The following RHPN1 variants were observed in gnomAD, a reference collection of about 807,000 sequenced individuals.
RHPN1 encodes rhophilin Rho GTPase binding protein 1, also known as rhophilin-1.
A neutral mutation model predicts 74.7 loss-of-function variants in RHPN1; 77 were observed. The ratio of observed to expected loss-of-function variants is 1.03; its 90% CI spans 0.86 to 1.25. The LOEUF (loss-of-function observed/expected upper bound fraction) is 1.25. Ranked by LOEUF, RHPN1 falls within the 50% of genes most tolerant of loss-of-function variation. RHPN1 has a pLI of 0.00. For missense variants in RHPN1, 987 were observed against 932.2 expected (o/e 1.06, Z -0.77); for synonymous variants, 444 against 414.5 (o/e 1.07, Z -0.87).
In RHPN1 at chr8:143,378,357, C is replaced by CGGGGGGGGGGGGGGGCG; in HGVS notation, c.459+11_459+12insGGGGGGGGGGGGGGGCG. 1.1e-5 allele frequency: 16 copies of CGGGGGGGGGGGGGGGCG among 1,520,848 alleles called. No homozygotes were observed. Among genetic ancestry groups the CGGGGGGGGGGGGGGGCG allele is most frequent in the South Asian group, 2.4e-5 (2 of 83,424 alleles). The allele number at this position is 1,520,848 out of a possible 1,614,324, so 94.2% of individuals were successfully genotyped here. Reference sequence around the variant, plus strand: ...GAGGCCCTGCGGCAGGTGTGTGGTTCCCCCGCCCACCCACCCTCCTGCAGC... The same window carrying CGGGGGGGGGGGGGGGCG: ...GAGGCCCTGCGGCAGGTGTGTGGTTCGGGGGGGGGGGGGGGCGCCCCGCCCACCCACCCTCCTGCAGC... On this transcript the variant is annotated intron_variant, in intron 5 of 14. Transcript: ENST00000289013.
chr8:143,379,953 A>G lies in RHPN1; in HGVS notation c.1070A>G (p.Tyr357Cys). ...KAEYFRSLAH[Y>C]HVAMALCDGS... ...GAGTACTTCCGCTCCCTGGCCCACTACCACGTAGCCATGGCCCTCTGCGAC... is the reference window on the plus strand; with the variant it reads ...GAGTACTTCCGCTCCCTGGCCCACTGCCACGTAGCCATGGCCCTCTGCGAC... Residue 357 changes from tyrosine (Y) to cysteine (C), a missense_variant, in exon 9 of 15, where the codon TAC (tyrosine) becomes TGC (cysteine). Physicochemically the swap from Tyr to Cys is radical, Grantham distance 194. Coordinates refer to ENST00000289013, the MANE Select transcript of RHPN1 (RefSeq NM_052924.3). The G allele has an allele frequency of 6.3e-7, 1 of 1,577,138 alleles. No homozygotes were observed. Among genetic ancestry groups the G allele is most frequent in the South Asian group, 1.2e-5 (1 of 86,170 alleles).
upstream of RHPN1, among the ~76,000 whole-genome samples, chr8:143,365,348 C>G (rs1817544135): frequency 6.6e-6 from 1 of 152,198 alleles, no homozygotes; most frequent in Non-Finnish European, 1.5e-5. Flanking sequence ...ATGGCCTAAT[C>G]CAGGCCAAGC....
intron 5 of RHPN1, 122 bp downstream of exon 5, chr8:143,378,468 G>A (rs1818443468): frequency 5.0e-6 from 5 of 997,056 alleles, no homozygotes; most frequent in Middle Eastern, 3.2e-4. Flanking sequence ...GTGGGGAGAC[G>A]GGCGCACCAG....
rs965310942 is a variant in RHPN1, at chr8:143,375,403, G to C, written c.61-150G>C. The C allele has an allele frequency of 1.0e-5, 6 of 577,340 alleles. No homozygotes were observed. The Admixed American group carries it at 2.0e-4, about 19-fold the overall frequency. 35.8% of individuals were successfully genotyped at this position (577,340 alleles called of 1,614,324 possible). A position where few individuals can be genotyped will look rare whatever the true frequency, so the allele number is the denominator to read the frequency against. On this transcript the variant is annotated intron_variant, in intron 1 of 14. Coordinates refer to ENST00000289013, the MANE Select transcript of RHPN1 (RefSeq NM_052924.3). ...CCTGTGTTCACACTAGTTCTGTCCA[G>C]CCCCTCCCTGTGAGGCCAGCTCCAG...
At chr8:143,376,924 A>G (rs1586818848) in intron 3 of RHPN1, among the ~76,000 whole-genome samples, 3 of 136,142 alleles carry the variant, frequency 2.2e-5, no homozygotes, top group Non-Finnish European at 3.1e-5. Flanking sequence ...GTGTGTCTGC[A>G]TGTGTCTGTG....
chr8:143,381,301 C>T lies in RHPN1; in HGVS notation c.1445C>T (p.Pro482Leu). ...CACCAGAAGCCAGAGGCCAGGATGCCACGCCTGTCCCAGGGGAAGGGGCCT... is the reference window on the plus strand; with the variant it reads ...CACCAGAAGCCAGAGGCCAGGATGCTACGCCTGTCCCAGGGGAAGGGGCCT... ...KTHQKPEARM[P>L]RLSQGKGPDI... The change falls in exon 12 of 15, where the codon CCA becomes CTA. Residue 482 changes from proline (P) to leucine (L), a missense_variant. By Grantham distance (98) the Pro-to-Leu change is moderately conservative (BLOSUM62 -3). Coordinates refer to ENST00000289013, the MANE Select transcript of RHPN1 (RefSeq NM_052924.3). The T allele has an allele frequency of 6.2e-7, 1 of 1,613,050 alleles. No individual in the cohort carries two copies.
chr8:143,378,356 T>TCCAA lies in RHPN1; in HGVS notation c.459+12_459+13insAACC. 1 of 1,525,440 alleles carries TCCAA rather than the reference T, an allele frequency of 6.6e-7. No individual in the cohort carries two copies. The highest frequency in any genetic ancestry group is 1.2e-5 in the South Asian group (1 of 83,568). The allele number at this position is 1,525,440 out of a possible 1,614,324, so 94.5% of individuals were successfully genotyped here. A position where few individuals can be genotyped will look rare whatever the true frequency, so the allele number is the denominator to read the frequency against. On this transcript the variant is annotated intron_variant, in intron 5 of 14. Coordinates refer to ENST00000289013, the MANE Select transcript of RHPN1 (RefSeq NM_052924.3). ...GGAGGCCCTGCGGCAGGTGTGTGGT[T>TCCAA]CCCCCGCCCACCCACCCTCCTGCAG...
At chr8:143,378,020 G>A (rs1487622046) in intron 4 of RHPN1, among the ~76,000 whole-genome samples, 6 of 152,198 alleles carry the variant, frequency 3.9e-5, no homozygotes, top group Non-Finnish European at 8.8e-5. Context: ...ATGGGGTGGG[G>A]AAACCCCAGG....
At chr8:143,377,344 G>C in intron 3 of RHPN1, 36 bp from the exon 4 acceptor site, 1 of 1,575,702 alleles carries the variant, frequency 6.3e-7, no homozygotes, top group Non-Finnish European at 8.7e-7. Flanking sequence ...AGCAGGGTTT[G>C]GCCTTACAGT....
At chr8:143,380,200 C>T (rs1438191503) in intron 10 of RHPN1, 25 bp downstream of exon 10, 4 of 1,468,510 alleles carry the variant, frequency 2.7e-6, no homozygotes, top group Admixed American at 4.4e-5. Flanking sequence ...GGTGGAGTGC[C>T]CTGGGGCTCA....
At chr8:143,376,759 A>G (rs1818255114) in intron 3 of RHPN1, 106 bp downstream of exon 3, 1 of 1,335,676 alleles carries the variant, frequency 7.5e-7, no homozygotes, top group South Asian at 1.4e-5. Flanking sequence ...ATATGTGTGC[A>G]TTGTCTGTGT....
At chr8:143,378,503 C>G (rs1040552097) in intron 5 of RHPN1, among the ~76,000 whole-genome samples, 157 bp downstream of exon 5, 1 of 152,134 alleles carries the variant, frequency 6.6e-6, no homozygotes, top group Admixed American at 6.5e-5. Flanking sequence ...CAGACCCAGC[C>G]AGGGGGCGTG....
chr8:143,382,918 C>T lies in RHPN1; in HGVS notation c.*267C>T. 1 of 526,618 alleles carries T rather than the reference C, an allele frequency of 1.9e-6. No individual in the cohort carries two copies. The highest frequency in any genetic ancestry group is 3.4e-6 in the Non-Finnish European group (1 of 292,212). The allele number at this position is 526,618 out of a possible 1,614,324, so 32.6% of individuals were successfully genotyped here. On this transcript the variant is annotated 3_prime_UTR_variant, in exon 15 of 15. Transcript: ENST00000289013. Reference sequence around the variant, plus strand: ...TGGGGCTGCCCCACCCTGAGGGCTCCTTACAGGGTGCTCCTCACAGCCATC... The same window carrying T: ...TGGGGCTGCCCCACCCTGAGGGCTCTTTACAGGGTGCTCCTCACAGCCATC...
intron 3 of RHPN1, among the ~76,000 whole-genome samples, chr8:143,377,166 G>A (rs1185508121): frequency 6.6e-6 from 1 of 152,206 alleles, no homozygotes; most frequent in East Asian, 1.9e-4. Context: ...GCGCGCATGT[G>A]TGTGTCTCTG....
intron 12 of RHPN1, 86 bp downstream of exon 12, chr8:143,381,430 T>A (rs529222818): frequency 6.9e-7 from 1 of 1,457,458 alleles, no homozygotes; most frequent in African/African-American, 1.4e-5. Context: ...AGACAGGCCA[T>A]TGATGGTGGT....
chr8:143,378,045 G>A (rs939875224), intron 4 of RHPN1, among the ~76,000 whole-genome samples: 14 of 152,208 alleles, frequency 9.2e-5, no homozygotes, highest in African/African-American at 2.9e-4. Context: ...CAGGGGCTCC[G>A]ACCCGCATCA....
At chr8:143,375,070 C>T (rs538688231) in intron 1 of RHPN1, among the ~76,000 whole-genome samples, 3 of 152,350 alleles carry the variant, frequency 2.0e-5, no homozygotes, top group East Asian at 3.9e-4. Context: ...GTCCTTTGAG[C>T]CCACGCCTAA....
rs74735703 is a variant in RHPN1, at chr8:143,384,207, CTG to C, written c.*1559_*1560del. The C allele has an allele frequency of 0.16, 24,411 of 152,056 alleles. 2,480 individuals carry two copies. The highest frequency in any genetic ancestry group is 0.29 in the South Asian group (1,410 of 4,810). 9.4% of individuals were successfully genotyped at this position (152,056 alleles called of 1,614,324 possible). ...GCACGTGTTAATTTGGTTAATAAAA[CTG>C]TGGATCAAGGAGGCCAGTAGGCACT... is the stretch of plus-strand genomic sequence containing the variant. On this transcript the variant is annotated 3_prime_UTR_variant, in exon 15 of 15. Coordinates refer to ENST00000289013, the MANE Select transcript of RHPN1 (RefSeq NM_052924.3).
At chr8:143,379,225 AG>A in intron 7 of RHPN1, 89 bp from the exon 8 acceptor site, 1 of 1,413,986 alleles carries the variant, frequency 7.1e-7, no homozygotes, top group Non-Finnish European at 9.3e-7. Context: ...GTGTCCCAGG[AG>A]CATCCCTAGC....
Sources: allele counts gnomAD v4.1 joint callset (sites outside exome capture counted in the v4.1 genomes callset), GRCh38; gene constraint gnomAD v4.1.1; transcripts MANE v1.5; gene names NCBI Gene and HGNC (gene_info 2026-07-23, HGNC 2026-07-21).